The following CDH18 variants were observed in gnomAD, a reference collection of about 807,000 sequenced individuals.
The protein encoded by CDH18 is cadherin-18.
A neutral mutation model predicts 67.9 loss-of-function variants in CDH18; 31 were observed. The observed-to-expected ratio is 0.46, with a 90% CI of 0.34 to 0.62. The LOEUF is 0.62. Ranked by LOEUF, CDH18 falls within the 20% of genes least tolerant of loss-of-function variation. The pLI, the probability that CDH18 is intolerant of heterozygous loss-of-function variation, is 0.01. For missense variants in CDH18, 890 were observed against 975.5 expected (o/e 0.91, Z 1.17); for synonymous variants, 362 against 347.2 (o/e 1.04, Z -0.48).
chr5:19,846,424 AC>A (rs1184976227), intron 2 of CDH18, among the ~76,000 whole-genome samples: 5 of 152,112 alleles, frequency 3.3e-5, no homozygotes, highest in Admixed American at 6.6e-5. Context: ...AGTGATTTAC[AC>A]AACACTGTTA....
chr5:19,720,202 T>C (rs1765901231), intron 5 of CDH18, among the ~76,000 whole-genome samples: 1 of 152,154 alleles, frequency 6.6e-6, no homozygotes, highest in Non-Finnish European at 1.5e-5. Flanking sequence ...ATCTGTAGAC[T>C]TATGGAACAA....
chr5:20,180,192 C>T (rs1737573130), intron 2 of CDH18, among the ~76,000 whole-genome samples: 1 of 152,084 alleles, frequency 6.6e-6, no homozygotes, highest in Non-Finnish European at 1.5e-5. Context: ...ATGTTCATAG[C>T]TCTGGGAATG....
intron 1 of CDH18, among the ~76,000 whole-genome samples, chr5:20,569,343 C>A (rs1434213963): frequency 6.6e-6 from 1 of 152,140 alleles, no homozygotes; most frequent in Admixed American, 6.5e-5. Context: ...ACATGCTCGG[C>A]CAGGCGCCAT....
chr5:20,182,889 C>T (rs1178715543), intron 2 of CDH18, among the ~76,000 whole-genome samples: 1 of 152,066 alleles, frequency 6.6e-6, no homozygotes, highest in East Asian at 1.9e-4. Flanking sequence ...GTAGCAAAAA[C>T]AGCCCAAGAT....
chr5:19,856,424 G>A (rs1247049430), intron 2 of CDH18, among the ~76,000 whole-genome samples: 1 of 152,096 alleles, frequency 6.6e-6, no homozygotes, highest in Non-Finnish European at 1.5e-5. Context: ...GTACAAATTT[G>A]CATTCTAATT....
intron 1 of CDH18, among the ~76,000 whole-genome samples, chr5:20,401,030 C>T (rs1745724879): frequency 6.6e-6 from 1 of 152,028 alleles, no homozygotes; most frequent in Admixed American, 6.6e-5. Flanking sequence ...TGAAGAAATG[C>T]TATGGTAAAA....
rs541283154 is a variant in CDH18, at chr5:19,679,886, A to T, written c.643+41461T>A. Among the ~76,000 whole-genome samples, 3 of 152,198 alleles carry T rather than the reference A, an allele frequency of 2.0e-5. No individual in the cohort carries two copies. In the South Asian group the frequency reaches 6.2e-4, roughly 32 times the overall value. On this transcript the variant is annotated intron_variant, in intron 5 of 12. Coordinates refer to ENST00000382275, the MANE Select transcript of CDH18 (RefSeq NM_004934.5). ...ACTGCTCAAAGCCATTTACAGATTC[A>T]ATATTATTTCTACCAAACTACCAAT...
chr5:19,681,421 G>A (rs866061725), intron 5 of CDH18, among the ~76,000 whole-genome samples: 1 of 151,832 alleles, frequency 6.6e-6, no homozygotes, highest in Non-Finnish European at 1.5e-5. Flanking sequence ...CCTTTTAGTT[G>A]AATAGTTTTA....
At chr5:19,659,983 T>A (rs1021936284) in intron 5 of CDH18, among the ~76,000 whole-genome samples, 1 of 152,104 alleles carries the variant, frequency 6.6e-6, no homozygotes, top group Admixed American at 6.6e-5. Context: ...TTAAAAGAAT[T>A]TGAGAATCTT....
chr5:19,887,157 G>GT (rs75076094), intron 2 of CDH18, among the ~76,000 whole-genome samples: 1,465 of 136,620 alleles, frequency 0.011, 11 homozygotes, highest in Middle Eastern at 0.019. Flanking sequence ...TTTGTTTTTT[G>GT]TTTTTTTTTT....
intron 2 of CDH18, among the ~76,000 whole-genome samples, chr5:19,851,979 C>T (rs531438526): frequency 1.3e-4 from 20 of 151,900 alleles, no homozygotes; most frequent in South Asian, 8.3e-4. Context: ...GTTTTGTGTA[C>T]GTGGATAATT....
rs192134782 is a variant in CDH18, at chr5:19,661,532, T to C, written c.644-48931A>G. On this transcript the variant is annotated intron_variant, in intron 5 of 12. Coordinates refer to ENST00000382275, the MANE Select transcript of CDH18 (RefSeq NM_004934.5). ...TTAACAAAACTAGGGAGAGGGTATA[T>C]GCAAACAAAGATAATTAGTAAAGTA... 2.9e-3 allele frequency among the ~76,000 whole-genome samples: 437 copies of C among 152,130 alleles called. 1 individual carries two copies. The highest frequency in any genetic ancestry group is 0.017 in the Middle Eastern group (5 of 294).
intron 5 of CDH18, among the ~76,000 whole-genome samples, chr5:19,630,271 A>G (rs951287988): frequency 1.3e-5 from 2 of 152,048 alleles, no homozygotes; most frequent in African/African-American, 4.8e-5. Flanking sequence ...TTTTTTATTC[A>G]GTTATTGATT....
chr5:19,724,929 T>A (rs1432655549), intron 4 of CDH18, among the ~76,000 whole-genome samples: 25 of 22,296 alleles, frequency 1.1e-3, no homozygotes, highest in African/African-American at 2.0e-3. Context: ...TATTAAGGCC[T>A]TTTTTTTTTT....
chr5:19,542,810 A>G (rs759580774), intron 9 of CDH18, among the ~76,000 whole-genome samples: 69 of 152,030 alleles, frequency 4.5e-4, no homozygotes, highest in Non-Finnish European at 3.2e-4. Context: ...TTTTTGTAGT[A>G]ATAAAAATGT....
At chr5:19,783,146 C>T (rs893848405) in intron 3 of CDH18, among the ~76,000 whole-genome samples, 1 of 152,050 alleles carries the variant, frequency 6.6e-6, no homozygotes, top group African/African-American at 2.4e-5. Context: ...AGCCTTTTTG[C>T]TGGTCCATGT....
intron 1 of CDH18, among the ~76,000 whole-genome samples, chr5:20,343,935 G>A (rs1341966331): frequency 6.6e-6 from 1 of 152,128 alleles, no homozygotes; most frequent in African/African-American, 2.4e-5. Context: ...AAACAGATTA[G>A]CAGACCAAAC....
intron 2 of CDH18, among the ~76,000 whole-genome samples, chr5:19,903,539 GTGTA>G (rs1561533328): frequency 3.3e-5 from 1 of 30,508 alleles, no homozygotes; most frequent in African/African-American, 8.9e-5. Flanking sequence ...CTGTGTGTGT[GTGTA>G]TATATATATA....
chr5:20,308,841 A>T (rs1736727987), intron 1 of CDH18, among the ~76,000 whole-genome samples: 1 of 152,204 alleles, frequency 6.6e-6, no homozygotes, highest in African/African-American at 2.4e-5. Flanking sequence ...CTAGATATAG[A>T]CAATTATGTG....
Sources: gnomAD v4.1 joint callset for allele counts (sites outside exome capture counted in the v4.1 genomes callset) on GRCh38, gnomAD v4.1.1 for gene constraint, MANE v1.5 for transcripts, NCBI Gene and HGNC (gene_info 2026-07-23, HGNC 2026-07-21) for gene names.